Variants in ACADSB observed in about 807,000 individuals in gnomAD.
ACADSB encodes short/branched chain specific acyl-CoA dehydrogenase, mitochondrial.
In ACADSB, 40 loss-of-function variants were observed where a neutral mutation model predicts 54.1. The observed-to-expected ratio is 0.74, with a 90% confidence interval of 0.57 to 0.96. The LOEUF is 0.96. Among genes scored for constraint, ACADSB ranks in the 40% least tolerant of loss-of-function variants. The pLI, the probability that ACADSB is intolerant of heterozygous loss-of-function variation, is 0.00. For synonymous variants in ACADSB, 182 were observed against 182.8 expected (o/e 1.00, Z 0.03); for missense variants, 530 against 510.4 (o/e 1.04, Z -0.37).
Position 123,054,064 on chromosome 10 carries a change from T to C in ACADSB, c.*299T>C. 5.1e-6 allele frequency: 2 copies of C among 394,868 alleles called. No individual in the cohort carries two copies. The allele number at this position is 394,868 out of a possible 1,614,324, so 24.5% of individuals were successfully genotyped here. A position where few individuals can be genotyped will look rare whatever the true frequency, so the allele number is the denominator to read the frequency against. ...TATATTTTTACTCTGTCTTACTCTGTCACCCAGGCTAGAGTGCAGTGGCGC... is the reference window on the plus strand; with the variant it reads ...TATATTTTTACTCTGTCTTACTCTGCCACCCAGGCTAGAGTGCAGTGGCGC... On this transcript the variant is annotated 3_prime_UTR_variant, in exon 11 of 11. Transcript: ENST00000358776.
intron 4 of ACADSB, among the ~76,000 whole-genome samples, chr10:123,041,003 G>A (rs138309409): frequency 4.0e-5 from 6 of 151,080 alleles, no homozygotes; most frequent in East Asian, 1.9e-4. Flanking sequence ...GTATGTGTTC[G>A]TGAGTCTTTA....
At chr10:123,033,933 C>T (rs576785274) in intron 1 of ACADSB, among the ~76,000 whole-genome samples, 2 of 152,344 alleles carry the variant, frequency 1.3e-5, no homozygotes, top group South Asian at 2.1e-4. Context: ...TCCTCCCCAG[C>T]TCCCTGGGCC....
intron 1 of ACADSB, among the ~76,000 whole-genome samples, chr10:123,010,478 T>C (rs1009574934): frequency 6.6e-6 from 1 of 152,248 alleles, no homozygotes; most frequent in African/African-American, 2.4e-5. Flanking sequence ...GCTAAATTGA[T>C]TGAACATCGA....
intron 3 of ACADSB, 105 bp downstream of exon 3, chr10:123,037,952 C>CT: frequency 2.3e-6 from 2 of 887,294 alleles, no homozygotes; most frequent in Non-Finnish European, 1.8e-6. Context: ...TATCTGTTTT[C>CT]TTTTTTTGGT....
In ACADSB at chr10:123,053,732, C is replaced by T; in HGVS notation, c.1266C>T (p.Asn422=). 3 of 1,614,058 alleles carry T rather than the reference C, an allele frequency of 1.9e-6. No individual in the cohort carries two copies. Among genetic ancestry groups the T allele is most frequent in the Non-Finnish European group, 1.7e-6 (2 of 1,179,914 alleles). ...IYEGASNIQL[N]TIAKHIDAEY The stretch of plus-strand genomic sequence containing the variant: ...AAGGAGCTTCCAACATCCAGTTGAA[C>T]ACCATTGCAAAGCATATCGATGCAG... Residue 422 remains asparagine, a synonymous_variant, in exon 11 of 11, where the codon AAC becomes AAT. Transcript: ENST00000358776.
chr10:123,041,616 T>C (rs1165292846), intron 5 of ACADSB, among the ~76,000 whole-genome samples: 1 of 152,182 alleles, frequency 6.6e-6, no homozygotes, highest in Non-Finnish European at 1.5e-5. Flanking sequence ...CAACCAACTC[T>C]GGATTGAAAA....
At chr10:123,036,645 A>G (rs1850402745) in intron 2 of ACADSB, among the ~76,000 whole-genome samples, 1 of 152,222 alleles carries the variant, frequency 6.6e-6, no homozygotes, top group African/African-American at 2.4e-5. Context: ...AGACAGTCGA[A>G]TAAAGGAAAT....
intron 6 of ACADSB, among the ~76,000 whole-genome samples, chr10:123,043,843 T>A (rs749178098): frequency 1.3e-5 from 2 of 152,098 alleles, no homozygotes; most frequent in Non-Finnish European, 2.9e-5. Context: ...TAAGTATAGT[T>A]TTTTATTATT....
chr10:123,036,852 C>T (rs1850405115), intron 2 of ACADSB, among the ~76,000 whole-genome samples: 1 of 152,164 alleles, frequency 6.6e-6, no homozygotes, highest in Non-Finnish European at 1.5e-5. Context: ...AGAGATTCTA[C>T]ATAATGAGAG....
intron 9 of ACADSB, 152 bp downstream of exon 9, chr10:123,051,338 A>G (rs1850631028): frequency 9.2e-7 from 1 of 1,081,306 alleles, no homozygotes; most frequent in Non-Finnish European, 1.3e-6. Flanking sequence ...CTTATAATAG[A>G]AAAGCAAAAA....
At chr10:123,050,929 TA>T in intron 8 of ACADSB, 119 bp from the exon 9 acceptor site, 1 of 993,430 alleles carries the variant, frequency 1.0e-6, no homozygotes, top group Non-Finnish European at 1.5e-6. Context: ...GACGTGAATG[TA>T]AATTTCCTTT....
intron 1 of ACADSB, among the ~76,000 whole-genome samples, chr10:123,011,953 T>C (rs1850042077): frequency 6.6e-6 from 1 of 152,012 alleles, no homozygotes; most frequent in Non-Finnish European, 1.5e-5. Flanking sequence ...CTGGCTCAAG[T>C]GATTCTCTGA....
At chr10:123,009,608 C>CA (rs969241932) in intron 1 of ACADSB, among the ~76,000 whole-genome samples, 3 of 152,224 alleles carry the variant, frequency 2.0e-5, no homozygotes, top group African/African-American at 7.2e-5. Context: ...CGGCCAGGGA[C>CA]AGAGTTCCCT....
At chr10:123,046,825 A>G (rs181198337) in intron 7 of ACADSB, among the ~76,000 whole-genome samples, 50 of 152,328 alleles carry the variant, frequency 3.3e-4, no homozygotes, top group Non-Finnish European at 6.6e-4. Flanking sequence ...GCCTTCCTCT[A>G]TAGCCTTCAA....
chr10:123,053,608 A>C (rs1267166972), intron 10 of ACADSB, 87 bp from the exon 11 acceptor site: 5 of 1,122,564 alleles, frequency 4.5e-6, no homozygotes, highest in Non-Finnish European at 6.8e-6. Flanking sequence ...GTTTTATAGC[A>C]AGCGCAGAGG....
At chr10:123,040,089 TA>T (rs1850449560) in intron 3 of ACADSB, among the ~76,000 whole-genome samples, 1 of 151,842 alleles carries the variant, frequency 6.6e-6, no homozygotes, top group Non-Finnish European at 1.5e-5. Flanking sequence ...CTCACGCCTG[TA>T]ATCCCAACAC....
chr10:123,043,459 T>G (rs1850503670), intron 6 of ACADSB, among the ~76,000 whole-genome samples: 1 of 152,228 alleles, frequency 6.6e-6, no homozygotes, highest in South Asian at 2.1e-4. Context: ...CTTTATAAGC[T>G]TGAGACTTGT....
At chr10:123,015,656 A>G (rs947578954) in intron 1 of ACADSB, among the ~76,000 whole-genome samples, 6 of 152,240 alleles carry the variant, frequency 3.9e-5, no homozygotes, top group Non-Finnish European at 8.8e-5. Flanking sequence ...CCTGGTAGGG[A>G]ACTTTCTCTC....
Position 123,057,679 on chromosome 10 carries a change from A to G in ACADSB, c.*3914A>G, listed in dbSNP as rs1005114924. On this transcript the variant is annotated 3_prime_UTR_variant, in exon 11 of 11. Transcript: ENST00000358776. ...AGAGATTTCATTTTACAACACAAAAATAAGCCTGTGTCAAAGATTTTAAAA... is the reference window on the plus strand; with the variant it reads ...AGAGATTTCATTTTACAACACAAAAGTAAGCCTGTGTCAAAGATTTTAAAA... The G allele has an allele frequency of 6.6e-6, 1 of 152,224 alleles. No individual in the cohort carries two copies. Among genetic ancestry groups the G allele is most frequent in the Non-Finnish European group, 1.5e-5 (1 of 68,040 alleles). The allele number at this position is 152,224 out of a possible 1,614,324, so 9.4% of individuals were successfully genotyped here.
Sources: allele counts gnomAD v4.1 joint callset (sites outside exome capture counted in the v4.1 genomes callset), GRCh38; gene constraint gnomAD v4.1.1; transcripts MANE v1.5; gene names NCBI Gene and HGNC (gene_info 2026-07-23, HGNC 2026-07-21).